The following BCL2L11 variants were observed in gnomAD, a reference collection of about 807,000 sequenced individuals.
The protein encoded by BCL2L11 is bcl-2-like protein 11.
In BCL2L11, 15 loss-of-function variants were observed where a neutral mutation model predicts 20.6. The ratio of observed to expected loss-of-function variants is 0.73; its 90% CI spans 0.49 to 1.12. BCL2L11 has a LOEUF of 1.12. Ranked by LOEUF, BCL2L11 falls within the 50% of genes most tolerant of loss-of-function variation. BCL2L11 has a pLI of 0.00. For synonymous variants in BCL2L11, 108 were observed against 92.8 expected (o/e 1.16, Z -0.94); for missense variants, 292 against 260.9 (o/e 1.12, Z -0.82).
intron 2 of BCL2L11, among the ~76,000 whole-genome samples, chr2:111,141,154 G>A (rs2075735289): frequency 1.3e-5 from 2 of 152,344 alleles, no homozygotes; most frequent in South Asian, 2.1e-4. Context: ...AGTGGTCATA[G>A]CAGTGTAGGG....
chr2:111,141,430 T>C (rs1321815147), intron 2 of BCL2L11, among the ~76,000 whole-genome samples: 1 of 148,708 alleles, frequency 6.7e-6, no homozygotes, highest in Non-Finnish European at 1.5e-5. Context: ...AACCAAACAC[T>C]GCATATTCTC....
intron 2 of BCL2L11, among the ~76,000 whole-genome samples, chr2:111,138,089 C>T (rs2075231294): frequency 6.6e-6 from 1 of 150,762 alleles, no homozygotes; most frequent in Non-Finnish European, 1.5e-5. Context: ...GCTCACTGCA[C>T]CCTCCACCTC....
intron 3 of BCL2L11, among the ~76,000 whole-genome samples, chr2:111,156,051 C>T (rs956283016): frequency 3.9e-5 from 6 of 152,204 alleles, no homozygotes; most frequent in Non-Finnish European, 7.3e-5. Context: ...CCAGTGCTAT[C>T]TCATTCTTGT....
intron 2 of BCL2L11, among the ~76,000 whole-genome samples, chr2:111,143,656 C>A (rs934333389): frequency 3.9e-5 from 6 of 152,182 alleles, no homozygotes; most frequent in South Asian, 2.1e-4. Context: ...TAGAGGGCTC[C>A]TGCTCAGGTC....
At chr2:111,138,930 G>A (rs947249705) in intron 2 of BCL2L11, among the ~76,000 whole-genome samples, 11 of 152,246 alleles carry the variant, frequency 7.2e-5, no homozygotes, top group African/African-American at 2.6e-4. Context: ...ACTCGCACAG[G>A]AATCTTTCCT....
intron 2 of BCL2L11, among the ~76,000 whole-genome samples, chr2:111,138,742 T>C (rs1231759905): frequency 6.6e-6 from 1 of 152,186 alleles, no homozygotes; most frequent in Non-Finnish European, 1.5e-5. Flanking sequence ...CACAGGCTGC[T>C]CTTGGGTCTG....
chr2:111,133,926 G>C (rs767616131), intron 2 of BCL2L11, among the ~76,000 whole-genome samples: 2 of 152,054 alleles, frequency 1.3e-5, no homozygotes, highest in Non-Finnish European at 2.9e-5. Flanking sequence ...CTTCAGGTTG[G>C]ATCCAATCTT....
chr2:111,153,835 G>C, intron 3 of BCL2L11: 1 of 1,551,848 alleles, frequency 6.4e-7, no homozygotes, highest in Non-Finnish European at 8.7e-7. Context: ...CCACTTAAGG[G>C]CAGTGGGGAA....
intron 2 of BCL2L11, among the ~76,000 whole-genome samples, chr2:111,148,861 A>G (rs2076898867): frequency 6.6e-6 from 1 of 152,220 alleles, no homozygotes; most frequent in Admixed American, 6.5e-5. Flanking sequence ...AACTCTTCAA[A>G]GTGTTCACTT....
chr2:111,128,964 C>T (rs2150292672), intron 2 of BCL2L11: 2 of 681,002 alleles, frequency 2.9e-6, no homozygotes, highest in Non-Finnish European at 4.5e-6. Context: ...CTGGAGTGTG[C>T]AGTGCTGCTC....
chr2:111,120,990 C>CTG lies in BCL2L11; in HGVS notation c.-212_-211insTG. ...AGCGCCGCTGCCGCTGCCGCCGCCG[C>CTG]CGCCGCCGCCGCCGCCGCCGCCGCC... On this transcript the variant is annotated 5_prime_UTR_variant, in exon 1 of 4. Coordinates refer to ENST00000393256, the MANE Select transcript of BCL2L11 (RefSeq NM_138621.5). The CTG allele has an allele frequency of 5.4e-6, 2 of 368,914 alleles. No individual in the cohort carries two copies. Among genetic ancestry groups the CTG allele is most frequent in the South Asian group, 4.4e-5 (1 of 22,542 alleles). 22.9% of individuals were successfully genotyped at this position (368,914 alleles called of 1,614,324 possible).
At chr2:111,136,746 C>A in intron 2 of BCL2L11, among the ~76,000 whole-genome samples, 1 of 152,140 alleles carries the variant, frequency 6.6e-6, no homozygotes, top group East Asian at 1.9e-4. Context: ...ATGGCCCCAC[C>A]TCCTAACACC....
At chr2:111,121,715 C>T (rs2070985580) in intron 1 of BCL2L11, among the ~76,000 whole-genome samples, 1 of 152,204 alleles carries the variant, frequency 6.6e-6, no homozygotes, top group South Asian at 2.1e-4. Context: ...TTTCCTTTTA[C>T]TCATTCAGGC....
intron 2 of BCL2L11, chr2:111,144,665 T>C: frequency 9.0e-7 from 1 of 1,116,644 alleles, no homozygotes; most frequent in Non-Finnish European, 1.3e-6. Flanking sequence ...CTGGAATTTT[T>C]CTTTCTCTAA....
chr2:111,124,397 T>G (rs1312969198), intron 2 of BCL2L11, among the ~76,000 whole-genome samples: 1 of 152,034 alleles, frequency 6.6e-6, no homozygotes, highest in Non-Finnish European at 1.5e-5. Context: ...TTCAAGCAAT[T>G]CTCCTACCTC....
chr2:111,133,920 A>G (rs987430363), intron 2 of BCL2L11, among the ~76,000 whole-genome samples: 1 of 152,156 alleles, frequency 6.6e-6, no homozygotes, highest in African/African-American at 2.4e-5. Flanking sequence ...AAATGTCTTC[A>G]GGTTGGATCC....
intron 2 of BCL2L11, among the ~76,000 whole-genome samples, chr2:111,139,681 A>G (rs1398877992): frequency 2.6e-5 from 4 of 152,208 alleles, no homozygotes; most frequent in Admixed American, 2.0e-4. Flanking sequence ...AGCGGAAGTA[A>G]ACCGTCAGTA....
chr2:111,146,487 A>AT (rs1354278657), intron 2 of BCL2L11, among the ~76,000 whole-genome samples: 1 of 152,118 alleles, frequency 6.6e-6, no homozygotes, highest in Non-Finnish European at 1.5e-5. Context: ...GTGTTTGGAG[A>AT]TTTCTGTATG....
At chr2:111,144,398 C>T (rs1017921162) in intron 2 of BCL2L11, 2 of 1,393,408 alleles carry the variant, frequency 1.4e-6, no homozygotes, top group Admixed American at 2.0e-5. Context: ...TATTTTATTT[C>T]TGAGAACCGT....
Sources: allele counts gnomAD v4.1 joint callset (sites outside exome capture counted in the v4.1 genomes callset), GRCh38; gene constraint gnomAD v4.1.1; transcripts MANE v1.5; gene names NCBI Gene and HGNC (gene_info 2026-07-23, HGNC 2026-07-21).